HSD17B4: variants seen among roughly 807,000 people sequenced by gnomAD.
HSD17B4 encodes peroxisomal multifunctional enzyme type 2.
Under a neutral mutation model 101.0 loss-of-function variants are expected in HSD17B4, and 70 were observed. The observed-to-expected ratio is 0.69, with a 90% confidence interval of 0.57 to 0.85. HSD17B4 has a LOEUF of 0.85. Ranked by LOEUF, HSD17B4 falls within the 40% of genes least tolerant of loss-of-function variation. HSD17B4 has a pLI of 0.00. For missense variants in HSD17B4, 984 were observed against 892.4 expected, an observed-to-expected ratio of 1.10 and a Z score of -1.31; for synonymous variants, 347 against 297.1, an observed-to-expected ratio of 1.17 and a Z score of -1.73.
chr5:119,489,130 T>A (rs1403264162), intron 8 of HSD17B4, 62 bp from the exon 9 acceptor site: 21 of 1,130,834 alleles, frequency 1.9e-5, no homozygotes, highest in Non-Finnish European at 9.4e-6. Flanking sequence ...TATAATTTTA[T>A]AAGTAAGAAA....
chr5:119,491,726 T>G (rs1208023926), intron 9 of HSD17B4, among the ~76,000 whole-genome samples: 1 of 152,192 alleles, frequency 6.6e-6, no homozygotes, highest in East Asian at 1.9e-4. Context: ...CTATTTATAT[T>G]GTTTGCTTCA....
intron 17 of HSD17B4, among the ~76,000 whole-genome samples, chr5:119,518,163 T>G (rs1277816704): frequency 6.6e-6 from 1 of 152,162 alleles, no homozygotes; most frequent in Non-Finnish European, 1.5e-5. Context: ...ATCTTGCTAC[T>G]GCTCACTCTT....
intron 2 of HSD17B4, chr5:119,456,675 AG>A (rs2126612185): frequency 2.4e-6 from 1 of 413,138 alleles, no homozygotes; most frequent in Non-Finnish European, 4.5e-6. Flanking sequence ...TGAGACCAGG[AG>A]TTCGAGCCTG....
intron 6 of HSD17B4, chr5:119,476,416 G>C (rs1320754543): frequency 4.4e-6 from 1 of 226,746 alleles, no homozygotes; most frequent in Non-Finnish European, 7.3e-6. Flanking sequence ...TTTTTCTTTT[G>C]CTCCTCTTTG....
intron 21 of HSD17B4, among the ~76,000 whole-genome samples, chr5:119,530,258 C>G (rs1753949872): frequency 6.6e-6 from 1 of 152,060 alleles, no homozygotes; most frequent in Non-Finnish European, 1.5e-5. Context: ...TAATCAGAAT[C>G]TTAAGCAAAC....
chr5:119,477,717 C>T (rs1438506534), intron 7 of HSD17B4: 6 of 532,342 alleles, frequency 1.1e-5, no homozygotes, highest in Non-Finnish European at 2.1e-5. Context: ...TATTTTTTAC[C>T]TCTTTTTGTT....
chr5:119,525,668 C>CAA (rs1753521912), intron 18 of HSD17B4: 3 of 544,234 alleles, frequency 5.5e-6, no homozygotes, highest in African/African-American at 1.9e-5. Context: ...CAAAACTAAA[C>CAA]AAAACAATTG....
rs1282207165 is a variant in HSD17B4 at position 119,514,962 on chromosome 5, T to G, written c.1438-19T>G. 7.4e-7 allele frequency: 1 copy of G among 1,353,480 alleles called. No homozygotes were observed. The highest frequency in any genetic ancestry group is 1.1e-6 in the Non-Finnish European group (1 of 942,474). 83.8% of individuals were successfully genotyped at this position (1,353,480 alleles called of 1,614,324 possible). On this transcript the variant is annotated intron_variant, in intron 16 of 23. Coordinates refer to ENST00000510025, the MANE Select transcript of HSD17B4 (RefSeq NM_000414.4). ...GATAATTTGTATTTAAGATTTAACA[T>G]GTAATGTCTTAATTTTAGGTAGCTG...
intron 1 of HSD17B4, among the ~76,000 whole-genome samples, chr5:119,454,056 C>G (rs1561421347): frequency 1.3e-5 from 2 of 152,194 alleles, no homozygotes; most frequent in Non-Finnish European, 2.9e-5. Context: ...GTATGCAGTA[C>G]ATTTTACACC....
intron 2 of HSD17B4, among the ~76,000 whole-genome samples, chr5:119,469,301 CTT>C (rs112466766): frequency 1.4e-5 from 2 of 138,560 alleles, no homozygotes; most frequent in African/African-American, 2.6e-5. Context: ...TTCCATGTTT[CTT>C]TTTTTTTTTT....
chr5:119,535,715 G>A (rs1268442534), intron 22 of HSD17B4: 17 of 149,106 alleles, frequency 1.1e-4, no homozygotes, highest in Non-Finnish European at 2.4e-4. Context: ...CTTCTTTCAT[G>A]TGCTTTTCCA....
chr5:119,531,446 T>A, intron 22 of HSD17B4, 42 bp downstream of exon 22: 1 of 1,568,520 alleles, frequency 6.4e-7, no homozygotes, highest in Non-Finnish European at 8.8e-7. Flanking sequence ...AAGGTAATTC[T>A]TAGTAAATAA....
intron 20 of HSD17B4, among the ~76,000 whole-genome samples, chr5:119,527,589 A>T (rs1232477178): frequency 6.6e-6 from 1 of 152,106 alleles, no homozygotes; most frequent in African/African-American, 2.4e-5. Flanking sequence ...TCAGACAGAT[A>T]TACAGTGAAA....
chr5:119,531,140 G>T (rs2126895381), intron 21 of HSD17B4, 126 bp from the exon 22 acceptor site: 1 of 842,380 alleles, frequency 1.2e-6, no homozygotes, highest in South Asian at 1.5e-5. Flanking sequence ...AAGACACATT[G>T]TATGAAGAAA....
At position 119,509,269 on chromosome 5, in the gene HSD17B4, A is replaced by C. The variant is rs181609312; in HGVS notation, c.1437+25A>C. On this transcript the variant is annotated intron_variant, in intron 16 of 23. Coordinates refer to ENST00000510025, the MANE Select transcript of HSD17B4 (RefSeq NM_000414.4). ...GGTAAGCCATGACTTTGTAAGCAAA[A>C]TATATGTGTAGTTAAGGATTCTTAC... 3,807 of 1,269,788 alleles carry C rather than the reference A, an allele frequency of 3.0e-3. 118 individuals are homozygous for C. In the South Asian group the frequency reaches 0.041, roughly 14 times the overall value. The allele number at this position is 1,269,788 out of a possible 1,614,324, so 78.7% of individuals were successfully genotyped here.
intron 6 of HSD17B4, chr5:119,476,542 A>G: frequency 1.0e-6 from 1 of 984,404 alleles, no homozygotes; most frequent in Non-Finnish European, 1.2e-6. Flanking sequence ...GTTTTGGGGG[A>G]ATAGTGCCTG....
At chr5:119,515,368 G>A (rs1209456863) in intron 17 of HSD17B4, among the ~76,000 whole-genome samples, 2 of 152,080 alleles carry the variant, frequency 1.3e-5, no homozygotes, top group African/African-American at 4.8e-5. Context: ...TTTCATGAAA[G>A]CCTCAGAGTA....
intron 13 of HSD17B4, among the ~76,000 whole-genome samples, chr5:119,500,516 G>T (rs1751060940): frequency 6.6e-6 from 1 of 152,076 alleles, no homozygotes; most frequent in East Asian, 1.9e-4. Context: ...TATGTTTGAG[G>T]TGTCTGTTAC....
intron 2 of HSD17B4, among the ~76,000 whole-genome samples, chr5:119,465,005 T>A (rs73246536): frequency 0.011 from 1,716 of 152,242 alleles, 18 homozygotes; most frequent in African/African-American, 0.039. Flanking sequence ...TGTGGTTTCA[T>A]GTGAATTTTA....
Sources: allele counts gnomAD v4.1 joint callset (sites outside exome capture counted in the v4.1 genomes callset), GRCh38; gene constraint gnomAD v4.1.1; transcripts MANE v1.5; gene names NCBI Gene and HGNC (gene_info 2026-07-23, HGNC 2026-07-21).